SEM1: variants seen among roughly 807,000 people sequenced by gnomAD.
The protein encoded by SEM1 is SEM1 26S proteasome subunit.
Under a neutral mutation model 12.7 loss-of-function variants are expected in SEM1, and 3 were observed. The observed-to-expected ratio is 0.24, with a 90% CI of 0.11 to 0.61. The LOEUF (loss-of-function observed/expected upper bound fraction) is 0.61, where lower values mean the gene tolerates loss of function less well. Ranked by LOEUF, SEM1 falls within the 20% of genes least tolerant of loss-of-function variation. The probability of loss-of-function intolerance (pLI) is 0.88; values close to 1 mark genes in which losing one functional copy is unlikely to be tolerated. For synonymous variants in SEM1, 30 were observed against 27.8 expected (o/e 1.08, Z -0.25); for missense variants, 59 against 81.3 (o/e 0.73, Z 1.06).
chr7:96,483,001 T>G (rs1361922072), exon 4 of SEM1: 2 of 152,086 alleles, frequency 1.3e-5, no homozygotes, highest in African/African-American at 4.8e-5. Flanking sequence ...CAGCAGAAAG[T>G]TGGGATTTTT....
chr7:96,481,733 T>A (rs1802550363), exon 4 of SEM1: 1 of 152,200 alleles, frequency 6.6e-6, no homozygotes, highest in Admixed American at 6.6e-5. Context: ...ATTTCATATA[T>A]GAACATTTTA....
intron 1 of SEM1, among the ~76,000 whole-genome samples, chr7:96,494,038 A>G (rs1803136136): frequency 6.6e-6 from 1 of 152,322 alleles, no homozygotes; most frequent in Non-Finnish European, 1.5e-5. Context: ...AAGACAGAGT[A>G]ACAGGAAGAC....
chr7:96,665,296 G>A (rs990758548), intron 2 of SEM1, among the ~76,000 whole-genome samples: 4 of 152,144 alleles, frequency 2.6e-5, no homozygotes, highest in Non-Finnish European at 5.9e-5. Context: ...AGCTCACCAA[G>A]GGGGGAAATG....
chr7:96,632,755 A>G (rs1451487993), intron 2 of SEM1, among the ~76,000 whole-genome samples: 1 of 148,252 alleles, frequency 6.7e-6, no homozygotes, highest in Non-Finnish European at 1.5e-5. Context: ...TTTTGTTCTT[A>G]TGAAGGTGGT....
chr7:96,549,112 A>T (rs1005132905), intron 2 of SEM1, among the ~76,000 whole-genome samples: 2 of 152,190 alleles, frequency 1.3e-5, no homozygotes, highest in Admixed American at 1.3e-4. Context: ...CTCCAGTTGA[A>T]TCAAAATCTT....
intron 2 of SEM1, among the ~76,000 whole-genome samples, chr7:96,612,737 G>A (rs964146731): frequency 6.6e-6 from 1 of 152,070 alleles, no homozygotes; most frequent in African/African-American, 2.4e-5. Flanking sequence ...CTGGGTTCAC[G>A]CCATTCTCCT....
chr7:96,663,964 T>TA (rs1182907496), intron 2 of SEM1, among the ~76,000 whole-genome samples: 2 of 152,228 alleles, frequency 1.3e-5, no homozygotes, highest in South Asian at 2.1e-4. Context: ...GCAAAAATGT[T>TA]AGAGTTGAAT....
intron 2 of SEM1, among the ~76,000 whole-genome samples, chr7:96,558,971 C>T (rs1403437862): frequency 1.3e-5 from 2 of 152,066 alleles, no homozygotes; most frequent in Non-Finnish European, 1.5e-5. Context: ...ATAATAAAAT[C>T]TTTATGTCAG....
At chr7:96,592,204 T>C (rs937960416) in intron 2 of SEM1, among the ~76,000 whole-genome samples, 1 of 151,018 alleles carries the variant, frequency 6.6e-6, no homozygotes, top group Non-Finnish European at 1.5e-5. Flanking sequence ...TTGACTGGCG[T>C]CTTAGGTAAG....
At chr7:96,659,575 A>T (rs1315356358) in intron 2 of SEM1, among the ~76,000 whole-genome samples, 1 of 152,196 alleles carries the variant, frequency 6.6e-6, no homozygotes, top group African/African-American at 2.4e-5. Context: ...AATCTAAACA[A>T]CATTATTTGC....
At chr7:96,508,596 C>G (rs1294210518) in intron 2 of SEM1, among the ~76,000 whole-genome samples, 1 of 152,156 alleles carries the variant, frequency 6.6e-6, no homozygotes, top group Non-Finnish European at 1.5e-5. Flanking sequence ...AACATAAATA[C>G]AGCCAATTCA....
intron 2 of SEM1, among the ~76,000 whole-genome samples, chr7:96,662,172 GCA>G (rs754505730): frequency 6.6e-6 from 1 of 151,998 alleles, no homozygotes; most frequent in East Asian, 1.9e-4. Flanking sequence ...CCATTACTGG[GCA>G]TATACCCAAA....
intron 2 of SEM1, among the ~76,000 whole-genome samples, chr7:96,638,261 C>T (rs1254552385): frequency 6.6e-6 from 1 of 151,950 alleles, no homozygotes; most frequent in Non-Finnish European, 1.5e-5. Context: ...CTTCCACACT[C>T]GCTTTGCTCT....
intron 1 of SEM1, among the ~76,000 whole-genome samples, chr7:96,704,093 A>C (rs1790367834): frequency 6.6e-6 from 1 of 152,100 alleles, no homozygotes; most frequent in Non-Finnish European, 1.5e-5. Flanking sequence ...GAACACAATG[A>C]GGGCATGAGG....
intron 1 of SEM1, among the ~76,000 whole-genome samples, chr7:96,492,175 C>T (rs1423488960): frequency 6.6e-6 from 1 of 152,128 alleles, no homozygotes; most frequent in Non-Finnish European, 1.5e-5. Flanking sequence ...CCATCGTCTC[C>T]AGAATGTTTT....
At chr7:96,554,945 A>T (rs1584759421) in intron 2 of SEM1, among the ~76,000 whole-genome samples, 1 of 123,700 alleles carries the variant, frequency 8.1e-6, no homozygotes, top group Non-Finnish European at 1.9e-5. Flanking sequence ...TGTGTCCAGA[A>T]ATTTATCCTT....
At chr7:96,628,167 T>C (rs893304768) in intron 2 of SEM1, among the ~76,000 whole-genome samples, 1 of 152,064 alleles carries the variant, frequency 6.6e-6, no homozygotes, top group Non-Finnish European at 1.5e-5. Context: ...ATAGTTATCT[T>C]TATTTGTGTT....
At chr7:96,653,275 T>C (rs926984556) in intron 2 of SEM1, among the ~76,000 whole-genome samples, 8 of 152,100 alleles carry the variant, frequency 5.3e-5, no homozygotes, top group South Asian at 2.1e-4. Flanking sequence ...GTTTAAAAAA[T>C]GGAAGGTAGA....
chr7:96,577,563 C>A (rs1372056670), intron 2 of SEM1, among the ~76,000 whole-genome samples: 1 of 151,756 alleles, frequency 6.6e-6, no homozygotes, highest in Non-Finnish European at 1.5e-5. Flanking sequence ...GAAAATGTTT[C>A]CCTGAGAATT....
Sources: gnomAD v4.1 joint callset for allele counts (sites outside exome capture counted in the v4.1 genomes callset) on GRCh38, gnomAD v4.1.1 for gene constraint, MANE v1.5 for transcripts, NCBI Gene and HGNC (gene_info 2026-07-23, HGNC 2026-07-21) for gene names.